Variants in ADCY2 observed in about 807,000 individuals in gnomAD.
ADCY2 encodes the protein adenylate cyclase type 2.
Under a neutral mutation model 125.2 loss-of-function variants are expected in ADCY2, and 31 were observed. That is an observed-to-expected ratio of 0.25 (90% CI 0.19 to 0.33). The LOEUF (loss-of-function observed/expected upper bound fraction) is 0.33, where lower values mean the gene tolerates loss of function less well. ADCY2 is among the 10% of genes least tolerant of loss of function. The pLI is 1.00. For synonymous variants in ADCY2, 512 were observed against 548.4 expected (o/e 0.93, Z 0.93); for missense variants, 904 against 1,418.2 (o/e 0.64, Z 5.82).
At chr5:7,569,209 C>T (rs188251022) in intron 3 of ADCY2, among the ~76,000 whole-genome samples, 4 of 152,172 alleles carry the variant, frequency 2.6e-5, no homozygotes, top group Admixed American at 2.6e-4. Flanking sequence ...CTAAGCAACA[C>T]CTAAGGCAGG....
At chr5:7,656,054 CTTTT>C (rs1272806102) in intron 4 of ADCY2, among the ~76,000 whole-genome samples, 1 of 132,364 alleles carries the variant, frequency 7.6e-6, no homozygotes. Flanking sequence ...TTTTCATTTT[CTTTT>C]TTTTTTTTTT....
intron 4 of ADCY2, among the ~76,000 whole-genome samples, chr5:7,675,820 G>A (rs1202717145): frequency 1.3e-4 from 20 of 152,152 alleles, no homozygotes; most frequent in Admixed American, 1.3e-3. Flanking sequence ...GCATGTTTAG[G>A]CTTGAAGTTC....
chr5:7,472,277 A>G (rs1229012935), intron 2 of ADCY2, among the ~76,000 whole-genome samples: 1 of 152,090 alleles, frequency 6.6e-6, no homozygotes, highest in Non-Finnish European at 1.5e-5. Context: ...GATTTCACTG[A>G]TTCGTATCTA....
intron 3 of ADCY2, among the ~76,000 whole-genome samples, chr5:7,571,583 A>T (rs568250843): frequency 2.0e-4 from 30 of 152,298 alleles, no homozygotes; most frequent in African/African-American, 6.7e-4. Flanking sequence ...GTTCTTCTGT[A>T]TTAAGGATTG....
chr5:7,820,736 C>T, intron 24 of ADCY2, 47 bp downstream of exon 24: 1 of 1,570,346 alleles, frequency 6.4e-7, no homozygotes. Flanking sequence ...CATGTCTGTT[C>T]TCTTGGGAAC....
intron 12 of ADCY2, among the ~76,000 whole-genome samples, chr5:7,718,532 G>T (rs1434317025): frequency 6.6e-6 from 1 of 152,148 alleles, no homozygotes; most frequent in Non-Finnish European, 1.5e-5. Context: ...TGTGTCTATG[G>T]TGGGTGTGTG....
At chr5:7,732,308 A>G (rs955638277) in intron 14 of ADCY2, among the ~76,000 whole-genome samples, 1 of 152,156 alleles carries the variant, frequency 6.6e-6, no homozygotes, top group African/African-American at 2.4e-5. Context: ...AGACTGGTGG[A>G]GAGGTTTTCT....
chr5:7,692,966 C>T (rs1740754175), intron 5 of ADCY2, among the ~76,000 whole-genome samples: 2 of 152,138 alleles, frequency 1.3e-5, no homozygotes, highest in South Asian at 4.1e-4. Flanking sequence ...TAAGACACCA[C>T]CATCAAGCAC....
intron 2 of ADCY2, among the ~76,000 whole-genome samples, chr5:7,476,476 A>G (rs981436935): frequency 5.9e-5 from 9 of 152,194 alleles, no homozygotes; most frequent in African/African-American, 1.9e-4. Flanking sequence ...GGACTCAGGA[A>G]GAAAGTCAAA....
chr5:7,812,027 G>A (rs2126532492), intron 22 of ADCY2, among the ~76,000 whole-genome samples: 1 of 152,298 alleles, frequency 6.6e-6, no homozygotes, highest in Admixed American at 6.5e-5. Flanking sequence ...AGCAATTCCT[G>A]TGTGAGGTGG....
intron 15 of ADCY2, among the ~76,000 whole-genome samples, chr5:7,756,476 A>T (rs1742994811): frequency 6.6e-6 from 1 of 152,234 alleles, no homozygotes; most frequent in Admixed American, 6.5e-5. Context: ...ATAGATCCAT[A>T]CAATGGAGTT....
Position 7,532,781 on chromosome 5 carries a change from TCTC to T in ADCY2, c.570+11886_570+11888del, listed in dbSNP as rs545331718. On this transcript the variant is annotated intron_variant, in intron 3 of 24. Transcript: ENST00000338316. Reference sequence around the variant, plus strand: ...GGGACAATTCTTGGATTTTCAGAATTCTCCTCAATAGGTCATGTTGTGTTTTTC... The same window carrying T: ...GGGACAATTCTTGGATTTTCAGAATTCTCAATAGGTCATGTTGTGTTTTTC... Among the ~76,000 whole-genome samples, 305 of 152,194 alleles carry T rather than the reference TCTC, an allele frequency of 2.0e-3. 1 individual carries two copies. The highest frequency in any genetic ancestry group is 6.8e-3 in the African/African-American group (281 of 41,540).
intron 22 of ADCY2, among the ~76,000 whole-genome samples, chr5:7,806,145 A>G (rs1744753446): frequency 1.3e-5 from 2 of 152,220 alleles, no homozygotes; most frequent in Admixed American, 1.3e-4. Context: ...TGTTAAAAAA[A>G]TTGAAAAAAT....
rs188715910 is a variant in ADCY2 at position 7,660,585 on chromosome 5, T to G, written c.721-30106T>G. 1.1e-4 allele frequency among the ~76,000 whole-genome samples: 16 copies of G among 152,308 alleles called. No individual in the cohort carries two copies. In the East Asian group the frequency reaches 2.9e-3, roughly 28 times the overall value. ...GCAGGTTGGAGAGTAAGTTAAGAGT[T>G]GATACTGCAGTCTGGAGTCAGAAGG... On this transcript the variant is annotated intron_variant, in intron 4 of 24. Coordinates refer to ENST00000338316, the MANE Select transcript of ADCY2 (RefSeq NM_020546.3).
intron 2 of ADCY2, among the ~76,000 whole-genome samples, chr5:7,435,090 G>C (rs763061679): frequency 2.0e-5 from 3 of 152,156 alleles, no homozygotes. Flanking sequence ...TTCTCCTTGC[G>C]TGTTTTCTTC....
intron 16 of ADCY2, among the ~76,000 whole-genome samples, chr5:7,765,012 CGTT>C (rs965743863): frequency 2.5e-4 from 38 of 152,202 alleles, no homozygotes; most frequent in East Asian, 1.9e-4. Context: ...GGTTAGGAAA[CGTT>C]GTGTGTAGTG....
chr5:7,409,255 A>G (rs1280102333), intron 1 of ADCY2, among the ~76,000 whole-genome samples: 2 of 152,178 alleles, frequency 1.3e-5, no homozygotes, highest in Admixed American at 1.3e-4. Context: ...GGGAGGAGTG[A>G]GAGGATCAGG....
At chr5:7,815,077 T>C (rs1262739968) in intron 22 of ADCY2, among the ~76,000 whole-genome samples, 1 of 152,220 alleles carries the variant, frequency 6.6e-6, no homozygotes, top group Non-Finnish European at 1.5e-5. Flanking sequence ...GGGTGCGTGC[T>C]TCTCGAATGC....
intron 3 of ADCY2, among the ~76,000 whole-genome samples, chr5:7,593,060 C>A (rs1736900232): frequency 6.6e-6 from 1 of 152,122 alleles, no homozygotes; most frequent in East Asian, 1.9e-4. Flanking sequence ...AGATAAAATG[C>A]ACATAGGTTT....
Sources: allele counts gnomAD v4.1 joint callset (sites outside exome capture counted in the v4.1 genomes callset), GRCh38; gene constraint gnomAD v4.1.1; transcripts MANE v1.5; gene names NCBI Gene and HGNC (gene_info 2026-07-23, HGNC 2026-07-21).